SLC25A26: variants seen among roughly 807,000 people sequenced by gnomAD.
The protein encoded by SLC25A26 is mitochondrial S-adenosylmethionine carrier protein.
In SLC25A26, 36 loss-of-function variants were observed where a neutral mutation model predicts 37.8. The observed-to-expected ratio is 0.95, with a 90% confidence interval of 0.73 to 1.26. SLC25A26 has a LOEUF of 1.26. SLC25A26 is among the 50% of genes most tolerant of loss of function. The pLI, the probability that SLC25A26 is intolerant of heterozygous loss-of-function variation, is 0.00. For missense variants in SLC25A26, 390 were observed against 331.1 expected (o/e 1.18, Z -1.38); for synonymous variants, 129 against 122.5 (o/e 1.05, Z -0.35).
At chr3:66,148,108 C>G (rs142253246) in intron 1 of SLC25A26, among the ~76,000 whole-genome samples, 1 of 152,142 alleles carries the variant, frequency 6.6e-6, no homozygotes. Context: ...GGTGGTATGT[C>G]ACTGTGGTTT....
At chr3:66,287,140 C>CA (rs982944833) in intron 5 of SLC25A26, among the ~76,000 whole-genome samples, 42 of 151,988 alleles carry the variant, frequency 2.8e-4, no homozygotes, top group African/African-American at 9.6e-4. Flanking sequence ...ACTAAAAATA[C>CA]AAAAAATTAG....
intron 1 of SLC25A26, among the ~76,000 whole-genome samples, chr3:66,224,029 A>G (rs2071623473): frequency 6.6e-6 from 1 of 152,212 alleles, no homozygotes; most frequent in South Asian, 2.1e-4. Flanking sequence ...CTGCAGCCAT[A>G]AAAAATAGTG....
rs2071945099 is a variant in SLC25A26 at position 66,230,169 on chromosome 3, T to TC, written c.34-6375_34-6374insC. Among the ~76,000 whole-genome samples the TC allele has an allele frequency of 9.4e-5, 5 of 53,086 alleles. No individual in the cohort carries two copies. In the South Asian group the frequency reaches 5.1e-3, roughly 54 times the overall value. 34.8% of individuals were successfully genotyped at this position (53,086 alleles called of 152,430 possible). A position where few individuals can be genotyped will look rare whatever the true frequency, so the allele number is the denominator to read the frequency against. The stretch of plus-strand genomic sequence containing the variant: ...CCCTGCTATATAAGAAACACTCGGT[T>TC]AGATATTTAGGAAGGCAGGTGACTG... On this transcript the variant is annotated intron_variant, in intron 1 of 9. Coordinates refer to ENST00000354883, the MANE Select transcript of SLC25A26 (RefSeq NM_001379210.1).
chr3:66,276,534 G>A (rs2074153436), intron 5 of SLC25A26, among the ~76,000 whole-genome samples: 1 of 152,074 alleles, frequency 6.6e-6, no homozygotes, highest in South Asian at 2.1e-4. Flanking sequence ...AACACAATGA[G>A]ATGCTTCTAA....
intron 3 of SLC25A26, 86 bp downstream of exon 3, chr3:66,243,398 AATT>A: frequency 1.5e-6 from 1 of 652,790 alleles, no homozygotes; most frequent in East Asian, 2.9e-5. Flanking sequence ...ATTTTTTAAA[AATT>A]ATTTTTAAAT....
At chr3:66,293,741 T>C (rs1475013146) in intron 5 of SLC25A26, among the ~76,000 whole-genome samples, 2 of 152,360 alleles carry the variant, frequency 1.3e-5, no homozygotes, top group East Asian at 3.9e-4. Context: ...TACGGCTGTA[T>C]AGTATTCATG....
chr3:66,377,934 T>C lies in SLC25A26; in HGVS notation c.*127T>C. 1.4e-6 allele frequency: 1 copy of C among 721,370 alleles called. No individual in the cohort carries two copies. Among genetic ancestry groups the C allele is most frequent in the Non-Finnish European group, 2.4e-6 (1 of 422,448 alleles). 44.7% of individuals were successfully genotyped at this position (721,370 alleles called of 1,614,324 possible). A position where few individuals can be genotyped will look rare whatever the true frequency, so the allele number is the denominator to read the frequency against. On this transcript the variant is annotated 3_prime_UTR_variant, in exon 10 of 10. Coordinates refer to ENST00000354883, the MANE Select transcript of SLC25A26 (RefSeq NM_001379210.1). ...GACCAGTTGTGCTAAGATACCGGCA[T>C]GGAGATTGTGCCATCCGTGGTATAG...
intron 5 of SLC25A26, among the ~76,000 whole-genome samples, chr3:66,340,314 T>C (rs917300627): frequency 1.3e-5 from 2 of 152,124 alleles, no homozygotes; most frequent in African/African-American, 2.4e-5. Context: ...GAGGTCCATA[T>C]GAATTTTGGT....
intron 2 of SLC25A26, among the ~76,000 whole-genome samples, chr3:66,237,343 T>TA (rs917621441): frequency 1.7e-4 from 26 of 152,366 alleles, no homozygotes; most frequent in African/African-American, 6.0e-4. Context: ...TGGGAAGCCT[T>TA]AAAAAATACT....
chr3:66,329,654 G>A (rs2075922805), intron 5 of SLC25A26, among the ~76,000 whole-genome samples: 2 of 152,060 alleles, frequency 1.3e-5, no homozygotes, highest in African/African-American at 2.4e-5. Flanking sequence ...AAGAAGAAAG[G>A]CACTAACAGA....
intron 5 of SLC25A26, among the ~76,000 whole-genome samples, chr3:66,269,475 A>G (rs931965443): frequency 6.6e-6 from 1 of 152,186 alleles, no homozygotes; most frequent in Admixed American, 6.5e-5. Flanking sequence ...ATGTAGGAAA[A>G]ACAGCATATT....
chr3:66,310,561 A>G (rs1193481569), intron 5 of SLC25A26, among the ~76,000 whole-genome samples: 14 of 152,130 alleles, frequency 9.2e-5, no homozygotes, highest in African/African-American at 3.4e-4. Flanking sequence ...TATTTTGCAC[A>G]TTAGTTGATG....
intron 5 of SLC25A26, among the ~76,000 whole-genome samples, chr3:66,304,916 C>T (rs935704171): frequency 4.6e-5 from 7 of 152,124 alleles, no homozygotes; most frequent in African/African-American, 7.2e-5. Flanking sequence ...AACCATTTTA[C>T]CCCATAATGT....
At chr3:66,303,670 G>T (rs1475703586) in intron 5 of SLC25A26, among the ~76,000 whole-genome samples, 1 of 152,188 alleles carries the variant, frequency 6.6e-6, no homozygotes, top group African/African-American at 2.4e-5. Flanking sequence ...TTAGCTTTCT[G>T]TTGCTGTGTA....
chr3:66,337,103 G>T (rs2076108000), intron 5 of SLC25A26, among the ~76,000 whole-genome samples: 1 of 152,132 alleles, frequency 6.6e-6, no homozygotes, highest in African/African-American at 2.4e-5. Flanking sequence ...TAGGGGATCA[G>T]TTTAAATTGA....
intron 5 of SLC25A26, among the ~76,000 whole-genome samples, chr3:66,306,357 C>CT (rs2075221482): frequency 7.1e-6 from 1 of 141,026 alleles, no homozygotes; most frequent in African/African-American, 2.9e-5. Context: ...TTTCATTTCT[C>CT]TAATCAGTGA....
intron 1 of SLC25A26, among the ~76,000 whole-genome samples, chr3:66,234,913 C>CA (rs1442413923): frequency 6.6e-6 from 1 of 151,986 alleles, no homozygotes; most frequent in East Asian, 1.9e-4. Flanking sequence ...CAAAATATAG[C>CA]AAAAAATAGC....
intron 5 of SLC25A26, among the ~76,000 whole-genome samples, chr3:66,337,895 C>G (rs1289411047): frequency 2.6e-5 from 4 of 151,968 alleles, no homozygotes; most frequent in Admixed American, 2.6e-4. Flanking sequence ...ATATTTTTTA[C>G]AGTACATTTT....
intron 5 of SLC25A26, among the ~76,000 whole-genome samples, chr3:66,277,759 A>G (rs890927052): frequency 6.6e-6 from 1 of 152,160 alleles, no homozygotes; most frequent in Admixed American, 6.5e-5. Flanking sequence ...CAAGATTAGC[A>G]TCACCAGTAA....
Sources: gnomAD v4.1 joint callset for allele counts (sites outside exome capture counted in the v4.1 genomes callset) on GRCh38, gnomAD v4.1.1 for gene constraint, MANE v1.5 for transcripts, NCBI Gene and HGNC (gene_info 2026-07-23, HGNC 2026-07-21) for gene names.